Variants in SYNE2 observed in about 807,000 individuals in gnomAD.
The protein encoded by SYNE2 is spectrin repeat containing nuclear envelope protein 2.
Under a neutral mutation model 856.3 loss-of-function variants are expected in SYNE2, and 431 were observed. That is an observed-to-expected ratio of 0.50 (90% confidence interval 0.47 to 0.55). The LOEUF (loss-of-function observed/expected upper bound fraction) is 0.55. Ranked by LOEUF, SYNE2 falls within the 20% of genes least tolerant of loss-of-function variation. The probability of loss-of-function intolerance (pLI) is 0.00; values close to 1 mark genes in which losing one functional copy is unlikely to be tolerated. For missense variants in SYNE2, 8,129 were observed against 8,023.2 expected (o/e 1.01, Z -0.50); for synonymous variants, 2,923 against 2,872.3 (o/e 1.02, Z -0.56).
chr14:63,945,162 T>C (rs865907006), intron 6 of SYNE2, among the ~76,000 whole-genome samples: 14 of 150,496 alleles, frequency 9.3e-5, no homozygotes, highest in South Asian at 4.2e-4. Flanking sequence ...TGTTGATGTA[T>C]ATGTAATACA....
intron 2 of SYNE2, among the ~76,000 whole-genome samples, chr14:63,922,733 C>T (rs1305818595): frequency 6.6e-6 from 1 of 152,136 alleles, no homozygotes; most frequent in African/African-American, 2.4e-5. Flanking sequence ...CCTGTTGTTT[C>T]AAGAGTAAGT....
chr14:63,773,420 CA>C (rs1451814184), intron 1 of SYNE2, among the ~76,000 whole-genome samples: 1 of 152,016 alleles, frequency 6.6e-6, no homozygotes, highest in African/African-American at 2.4e-5. Context: ...AGGCTGGTCT[CA>C]AACTCCTGGG....
At chr14:63,903,718 T>C (rs1336712626) in intron 1 of SYNE2, among the ~76,000 whole-genome samples, 2 of 152,224 alleles carry the variant, frequency 1.3e-5, no homozygotes, top group East Asian at 3.8e-4. Flanking sequence ...GTCTTTATTG[T>C]TTTGTTTTTA....
chr14:63,840,701 T>C (rs949314627), intron 1 of SYNE2, among the ~76,000 whole-genome samples: 1 of 152,098 alleles, frequency 6.6e-6, no homozygotes, highest in Non-Finnish European at 1.5e-5. Context: ...CCTTCACTTC[T>C]TTAGGTCTCC....
intron 2 of SYNE2, among the ~76,000 whole-genome samples, chr14:63,917,692 A>AC (rs1295832760): frequency 6.6e-6 from 1 of 151,840 alleles, no homozygotes; most frequent in Non-Finnish European, 1.5e-5. Context: ...CTGGTCTCTA[A>AC]CCCCCAACCT....
In SYNE2 at chr14:64,138,000, G is replaced by A. The variant is rs775258904; in HGVS notation, c.14843+17G>A. 5.0e-6 allele frequency: 8 copies of A among 1,608,772 alleles called. No individual in the cohort carries two copies. The African/African-American group carries it at 9.3e-5, about 19-fold the overall frequency. ...TCTGCTCAGGTCAGCCTTTTTGGGG[G>A]TGGATTGGCTTCATATTGTGCTGTG... On this transcript the variant is annotated intron_variant, in intron 79 of 115. Coordinates refer to ENST00000555002, the MANE Select transcript of SYNE2 (RefSeq NM_182914.3).
In SYNE2 at chr14:64,148,515, T is replaced by G. The variant is rs865806457; in HGVS notation, c.15639+2292T>G. The stretch of plus-strand genomic sequence containing the variant: ...TTGCAGCTGATTGCAGAATTATTTC[T>G]ACTTCCCTCCCCTCGCCCCCACCAT... On this transcript the variant is annotated intron_variant, in intron 84 of 115. Transcript: ENST00000555002. Among the ~76,000 whole-genome samples the G allele has an allele frequency of 3.9e-5, 6 of 152,144 alleles. No individual in the cohort carries two copies. The South Asian group carries it at 8.3e-4, about 21-fold the overall frequency.
chr14:64,216,345 A>T lies in SYNE2; in HGVS notation c.19500A>T (p.Pro6500=), dbSNP rs1237787599. ...AAATGGAAGGTGACAGGAATGTTCC[A>T]CCTGTTCCCCCTGCGTCCAGCACCC... ...YKQMEGDRNV[P]PVPPASSTPY... The change falls in exon 108 of 116, where the codon CCA becomes CCT. Residue 6500 remains proline (P), a synonymous_variant. Coordinates refer to ENST00000555002, the MANE Select transcript of SYNE2 (RefSeq NM_182914.3). 6.2e-7 allele frequency: 1 copy of T among 1,614,002 alleles called. No homozygotes were observed. The highest frequency in any genetic ancestry group is 2.2e-5 in the East Asian group (1 of 44,892).
intron 1 of SYNE2, among the ~76,000 whole-genome samples, chr14:63,783,285 C>T (rs1365136486): frequency 6.6e-6 from 1 of 152,142 alleles, no homozygotes; most frequent in African/African-American, 2.4e-5. Flanking sequence ...TTCCCTTTGC[C>T]TTCCGCCATG....
intron 49 of SYNE2, among the ~76,000 whole-genome samples, chr14:64,059,561 G>A (rs1308208084): frequency 6.6e-6 from 1 of 152,232 alleles, no homozygotes; most frequent in African/African-American, 2.4e-5. Flanking sequence ...AGCTGGGGTA[G>A]GGGTGACACA....
intron 30 of SYNE2, among the ~76,000 whole-genome samples, chr14:64,004,681 C>T (rs1322995658): frequency 6.6e-6 from 1 of 152,136 alleles, no homozygotes; most frequent in Non-Finnish European, 1.5e-5. Context: ...CTCTGCCCAC[C>T]TTGAGTTCCG....
At chr14:63,920,853 CCT>C (rs1206709808) in intron 2 of SYNE2, among the ~76,000 whole-genome samples, 5 of 152,158 alleles carry the variant, frequency 3.3e-5, no homozygotes, top group African/African-American at 7.2e-5. Context: ...GTGGCTCATG[CCT>C]GTAATTCCAG....
intron 51 of SYNE2, among the ~76,000 whole-genome samples, chr14:64,066,686 T>G (rs1370098337): frequency 2.0e-5 from 3 of 152,238 alleles, no homozygotes; most frequent in African/African-American, 7.2e-5. Flanking sequence ...ACACTTTTGG[T>G]TGGGGCTGCT....
chr14:64,168,366 G>A (rs757217758), intron 92 of SYNE2, among the ~76,000 whole-genome samples: 9 of 152,190 alleles, frequency 5.9e-5, no homozygotes, highest in Non-Finnish European at 5.9e-5. Flanking sequence ...GCCTCCCAAA[G>A]TGCTGGGATT....
chr14:63,810,076 C>A (rs1040275568), intron 1 of SYNE2, among the ~76,000 whole-genome samples: 1 of 152,024 alleles, frequency 6.6e-6, no homozygotes, highest in African/African-American at 2.4e-5. Context: ...TATTTTAAAA[C>A]TAGCCAGGTG....
At chr14:64,082,865 C>T (rs771120581) in intron 57 of SYNE2, among the ~76,000 whole-genome samples, 7 of 152,224 alleles carry the variant, frequency 4.6e-5, no homozygotes, top group Non-Finnish European at 1.0e-4. Context: ...ACATGCCCCA[C>T]GTGTCCATGC....
intron 59 of SYNE2, among the ~76,000 whole-genome samples, chr14:64,090,147 G>T (rs1315155613): frequency 6.6e-6 from 1 of 152,138 alleles, no homozygotes; most frequent in East Asian, 1.9e-4. Flanking sequence ...GCTCAGCCTA[G>T]TGATTGAGAG....
At chr14:63,844,312 C>A (rs557417050) in intron 1 of SYNE2, among the ~76,000 whole-genome samples, 2 of 152,204 alleles carry the variant, frequency 1.3e-5, no homozygotes, top group Admixed American at 6.6e-5. Flanking sequence ...TAGTAACATG[C>A]ACTTAAGTTT....
At chr14:64,063,068 T>C (rs2097329934) in intron 50 of SYNE2, among the ~76,000 whole-genome samples, 173 bp downstream of exon 50, 1 of 152,160 alleles carries the variant, frequency 6.6e-6, no homozygotes, top group Non-Finnish European at 1.5e-5. Context: ...TTATATATAT[T>C]TGAGACACAG....
Sources: allele counts gnomAD v4.1 joint callset (sites outside exome capture counted in the v4.1 genomes callset), GRCh38; gene constraint gnomAD v4.1.1; transcripts MANE v1.5; gene names NCBI Gene and HGNC (gene_info 2026-07-23, HGNC 2026-07-21).